TERT: variants seen among roughly 807,000 people sequenced by gnomAD.
TERT encodes the protein telomerase catalytic subunit.
In TERT, 42 loss-of-function variants were observed where a neutral mutation model predicts 104.0. The observed-to-expected ratio is 0.40, with a 90% confidence interval of 0.32 to 0.52. TERT has a LOEUF of 0.52. Among genes scored for constraint, TERT ranks in the 20% least tolerant of loss-of-function variants. The pLI is 0.43. For missense variants in TERT, 1,101 were observed against 1,610.3 expected (o/e 0.68, Z 5.41); for synonymous variants, 781 against 725.6 (o/e 1.08, Z -1.23).
intron 2 of TERT, 69 bp downstream of exon 2, chr5:1,293,243 GC>G: frequency 1.3e-6 from 2 of 1,584,564 alleles, no homozygotes; most frequent in Non-Finnish European, 1.7e-6. Flanking sequence ...GGCTCTGCCT[GC>G]CCCCTTTTCT....
chr5:1,277,379 G>A (rs1204994179), intron 6 of TERT, among the ~76,000 whole-genome samples: 1 of 152,248 alleles, frequency 6.6e-6, no homozygotes, highest in African/African-American at 2.4e-5. Flanking sequence ...GCACCCAGGA[G>A]CCTCCACAGC....
rs1378389607 is a variant in TERT at position 1,290,640 on chromosome 5, T to C, written c.1573+2673A>G. ...ACGTGACAGGGACACCCGGGGACAG[T>C]GCCTCACTCACCCTACACGGGACAG... On this transcript the variant is annotated intron_variant, in intron 2 of 15. Coordinates refer to ENST00000310581, the MANE Select transcript of TERT (RefSeq NM_198253.3). 2.0e-3 allele frequency among the ~76,000 whole-genome samples: 79 copies of C among 40,002 alleles called. 1 individual carries two copies. The highest frequency in any genetic ancestry group is 4.7e-3 in the Admixed American group (16 of 3,400). The allele number at this position is 40,002 out of a possible 152,430, so 26.2% of individuals were successfully genotyped here. A position where few individuals can be genotyped will look rare whatever the true frequency, so the allele number is the denominator to read the frequency against.
rs1274917369 is a variant in TERT, at chr5:1,262,982, G to A, written c.2843+1422C>T. Reference sequence around the variant, plus strand: ...GCCAGGACCAGGTAAGGCTGTGAGAGGGAAGCAGGGACTGTGGGGAGCACA... The same window carrying A: ...GCCAGGACCAGGTAAGGCTGTGAGAAGGAAGCAGGGACTGTGGGGAGCACA... On this transcript the variant is annotated intron_variant, in intron 11 of 15. Transcript: ENST00000310581. The surrounding 1 kb of genome is among the most constrained non-coding windows in gnomAD (Gnocchi z 5.6). Among the ~76,000 whole-genome samples the A allele has an allele frequency of 6.6e-6, 1 of 152,220 alleles. No individual in the cohort carries two copies. The highest frequency in any genetic ancestry group is 6.5e-5 in the Admixed American group (1 of 15,288).
intron 6 of TERT, among the ~76,000 whole-genome samples, chr5:1,272,557 CCGCCA>C: frequency 8.9e-6 from 1 of 112,464 alleles, no homozygotes; most frequent in Non-Finnish European, 1.8e-5. Flanking sequence ...GACCCCACGA[CCGCCA>C]TCCACAGTCA....
intron 11 of TERT, 156 bp downstream of exon 11, chr5:1,264,248 C>A: frequency 1.4e-6 from 1 of 732,876 alleles, no homozygotes. Context: ...TGCATTTCTG[C>A]TCAGCCCCAG....
chr5:1,290,598 C>T (rs532185123), intron 2 of TERT, among the ~76,000 whole-genome samples: 12 of 65,478 alleles, frequency 1.8e-4, no homozygotes, highest in South Asian at 1.8e-3. Flanking sequence ...CCGGGGACCG[C>T]GCCTCACTCA....
intron 9 of TERT, among the ~76,000 whole-genome samples, chr5:1,267,432 C>T (rs1748687738): frequency 6.6e-6 from 1 of 152,198 alleles, no homozygotes; most frequent in Non-Finnish European, 1.5e-5. Context: ...GTGGTGATTC[C>T]TCAAGGATCT....
intron 9 of TERT, among the ~76,000 whole-genome samples, chr5:1,267,458 A>G (rs946609919): frequency 6.6e-6 from 1 of 152,240 alleles, no homozygotes; most frequent in Non-Finnish European, 1.5e-5. Flanking sequence ...TAGAAATACC[A>G]TTTGACCCAG....
Position 1,288,016 on chromosome 5 carries a change from A to T in TERT, c.1573+5297T>A, listed in dbSNP as rs559835097. Among the ~76,000 whole-genome samples the T allele has an allele frequency of 9.2e-5, 14 of 152,296 alleles. 1 individual carries two copies. The South Asian group carries it at 2.9e-3, about 32-fold the overall frequency. On this transcript the variant is annotated intron_variant, in intron 2 of 15. Transcript: ENST00000310581. This position sits in a 1 kb window ranked among gnomAD's most constrained non-coding sequence, Gnocchi z 5.3. ...ATAAAATGATAACTTAAAATACTCTACGTATCTTGATACTCTACATATCTT... is the reference window on the plus strand; with the variant it reads ...ATAAAATGATAACTTAAAATACTCTTCGTATCTTGATACTCTACATATCTT...
At chr5:1,272,384 G>A (rs1398995111) in intron 6 of TERT, 104 bp from the exon 7 acceptor site, 10 of 1,039,664 alleles carry the variant, frequency 9.6e-6, no homozygotes, top group African/African-American at 7.9e-5. Flanking sequence ...GGCCAAGCCC[G>A]ATGGCGGGAT....
rs1334400367 is a variant in TERT at position 1,257,895 on chromosome 5, T to C, written c.3032+703A>G. Reference sequence around the variant, plus strand: ...TCAGCTCCCAGTGGCTCGGGAGGCCTGTTGAGGTGGAGGCCCGGGCCTGTG... The same window carrying C: ...TCAGCTCCCAGTGGCTCGGGAGGCCCGTTGAGGTGGAGGCCCGGGCCTGTG... On this transcript the variant is annotated intron_variant, in intron 13 of 15. Coordinates refer to ENST00000310581, the MANE Select transcript of TERT (RefSeq NM_198253.3). The surrounding 1 kb of genome is among the most constrained non-coding windows in gnomAD (Gnocchi z 5.6). 2.6e-5 allele frequency among the ~76,000 whole-genome samples: 4 copies of C among 152,182 alleles called. No individual in the cohort carries two copies. Among genetic ancestry groups the C allele is most frequent in the Non-Finnish European group, 4.4e-5 (3 of 68,024 alleles).
rs1220438032 is a variant in TERT, at chr5:1,292,179, C to T, written c.1573+1134G>A. 6.6e-6 allele frequency among the ~76,000 whole-genome samples: 1 copy of T among 152,110 alleles called. No homozygotes were observed. The highest frequency in any genetic ancestry group is 1.5e-5 in the Non-Finnish European group (1 of 68,032). On this transcript the variant is annotated intron_variant, in intron 2 of 15. Coordinates refer to ENST00000310581, the MANE Select transcript of TERT (RefSeq NM_198253.3). The surrounding 1 kb of genome is among the most constrained non-coding windows in gnomAD (Gnocchi z 5.5). The stretch of plus-strand genomic sequence containing the variant: ...AGGTCACCCTCCTTGTCTGCATGGC[C>T]GGAAGTCTTACATGTCTTGGGAGTT...
rs903421166 is a variant in TERT at position 1,263,528 on chromosome 5, C to T, written c.2843+876G>A. Reference sequence around the variant, plus strand: ...AAATGATTCTCCTGCCTCAGCCTCCCGCATAGCGGGGACTACAGGCGTGTG... The same window carrying T: ...AAATGATTCTCCTGCCTCAGCCTCCTGCATAGCGGGGACTACAGGCGTGTG... On this transcript the variant is annotated intron_variant, in intron 11 of 15. Coordinates refer to ENST00000310581, the MANE Select transcript of TERT (RefSeq NM_198253.3). The surrounding 1 kb of genome is among the most constrained non-coding windows in gnomAD (Gnocchi z 5.3). Among the ~76,000 whole-genome samples the T allele has an allele frequency of 4.6e-5, 7 of 152,132 alleles. No individual in the cohort carries two copies. Among genetic ancestry groups the T allele is most frequent in the South Asian group, 4.1e-4 (2 of 4,830 alleles).
At chr5:1,278,590 C>T in intron 6 of TERT, 51 bp downstream of exon 6, 1 of 1,612,918 alleles carries the variant, frequency 6.2e-7, no homozygotes, top group South Asian at 1.1e-5. Context: ...TAGACACATT[C>T]ATATCCCAGA....
rs546411765 is a variant in TERT at position 1,256,999 on chromosome 5, G to A, written c.3033-1588C>T. On this transcript the variant is annotated intron_variant, in intron 13 of 15. Transcript: ENST00000310581. This position sits in a 1 kb window ranked among gnomAD's most constrained non-coding sequence, Gnocchi z 7.0. ...ACTGCAGCCTGGCTGCCGTGAAATC[G>A]GGGCCCAGCTCTCCGTTCTCCCACT... Among the ~76,000 whole-genome samples, 27 of 152,264 alleles carry A rather than the reference G, an allele frequency of 1.8e-4. No individual in the cohort carries two copies. Among genetic ancestry groups the A allele is most frequent in the South Asian group, 4.1e-4 (2 of 4,832 alleles).
chr5:1,280,972 T>A (rs1315189752), intron 3 of TERT, among the ~76,000 whole-genome samples: 3 of 152,138 alleles, frequency 2.0e-5, no homozygotes, highest in Non-Finnish European at 4.4e-5. Flanking sequence ...CCGCGGGTGC[T>A]CCGGAGCTGG....
At chr5:1,264,656 C>A (rs1748471448) in intron 10 of TERT, 64 bp from the exon 11 acceptor site, 1 of 1,577,930 alleles carries the variant, frequency 6.3e-7, no homozygotes, top group Non-Finnish European at 8.7e-7. Flanking sequence ...TAACCTGACA[C>A]CCTTGTTAAA....
rs1251817912 is a variant in TERT at position 1,268,313 on chromosome 5, C to A, written c.2582+207G>T. ...TGAGCCCTGAGGCCTCTGGACATGG[C>A]CGCTGGACAGAGCCTGCGTGGAGCC... On this transcript the variant is annotated intron_variant, in intron 9 of 15. Coordinates refer to ENST00000310581, the MANE Select transcript of TERT (RefSeq NM_198253.3). The surrounding 1 kb of genome is among the most constrained non-coding windows in gnomAD (Gnocchi z 5.5). Among the ~76,000 whole-genome samples, 1 of 152,270 alleles carries A rather than the reference C, an allele frequency of 6.6e-6. No individual in the cohort carries two copies. Among genetic ancestry groups the A allele is most frequent in the African/African-American group, 2.4e-5 (1 of 41,476 alleles).
chr5:1,287,512 T>A lies in TERT; in HGVS notation c.1574-4888A>T, dbSNP rs57100192. 0.088 allele frequency among the ~76,000 whole-genome samples: 12,215 copies of A among 138,720 alleles called. 579 individuals are homozygous for A. Among genetic ancestry groups the A allele is most frequent in the South Asian group, 0.18 (814 of 4,504 alleles). The allele number at this position is 138,720 out of a possible 152,430, so 91.0% of individuals were successfully genotyped here. A position where few individuals can be genotyped will look rare whatever the true frequency, so the allele number is the denominator to read the frequency against. On this transcript the variant is annotated intron_variant, in intron 2 of 15. Transcript: ENST00000310581. The surrounding 1 kb of genome is among the most constrained non-coding windows in gnomAD (Gnocchi z 4.3). ...GACTCTGTCTCAAAAAAAAAAAATA[T>A]ATATATATATATATAAATTAAAGGC... is the stretch of plus-strand genomic sequence containing the variant.
Sources: gnomAD v4.1 joint callset for allele counts (sites outside exome capture counted in the v4.1 genomes callset) on GRCh38, gnomAD v4.1.1 for gene constraint, Gnocchi (gnomAD v3.1) non-coding constraint, MANE v1.5 for transcripts, NCBI Gene and HGNC (gene_info 2026-07-23, HGNC 2026-07-21) for gene names.